CSNK1G1: variants seen among roughly 807,000 people sequenced by gnomAD.
The protein encoded by CSNK1G1 is casein kinase 1 gamma 1, also known as casein kinase I isoform gamma-1.
In CSNK1G1, 22 loss-of-function variants were observed where a neutral mutation model predicts 59.6. The ratio of observed to expected loss-of-function variants is 0.37; its 90% CI spans 0.26 to 0.53. CSNK1G1 has a LOEUF of 0.53. Among genes scored for constraint, CSNK1G1 ranks in the 20% least tolerant of loss-of-function variants. CSNK1G1 has a pLI of 0.89. For synonymous variants in CSNK1G1, 179 were observed against 177.1 expected, an observed-to-expected ratio of 1.01 and a Z score of -0.08; for missense variants, 384 against 519.5, an observed-to-expected ratio of 0.74 and a Z score of 2.54.
chr15:64,228,398 A>C (rs2082490950), intron 4 of CSNK1G1, among the ~76,000 whole-genome samples: 1 of 152,248 alleles, frequency 6.6e-6, no homozygotes, highest in Admixed American at 6.5e-5. Flanking sequence ...CTGTAATCCC[A>C]GCACTGTGAG....
At chr15:64,205,125 C>A (rs1055858222) in intron 7 of CSNK1G1, among the ~76,000 whole-genome samples, 176 bp from the exon 8 acceptor site, 2 of 152,050 alleles carry the variant, frequency 1.3e-5, no homozygotes, top group African/African-American at 4.8e-5. Flanking sequence ...TAGATATATA[C>A]AAACATCTGC....
rs1379539116 is a variant in CSNK1G1, at chr15:64,210,156, C to T, written c.680-2562G>A. On this transcript the variant is annotated intron_variant, in intron 6 of 11. Coordinates refer to ENST00000303052, the MANE Select transcript of CSNK1G1 (RefSeq NM_022048.5). This position sits in a 1 kb window ranked among gnomAD's most constrained non-coding sequence, Gnocchi z 4.2. ...CCCAAAATAAGGGTACCTAAATCAGCTCAACGATTTAGGTATCTAGATCTT... is the reference window on the plus strand; with the variant it reads ...CCCAAAATAAGGGTACCTAAATCAGTTCAACGATTTAGGTATCTAGATCTT... 6.6e-6 allele frequency among the ~76,000 whole-genome samples: 1 copy of T among 152,070 alleles called. No homozygotes were observed. Among genetic ancestry groups the T allele is most frequent in the Non-Finnish European group, 1.5e-5 (1 of 68,014 alleles).
chr15:64,300,350 T>A lies in CSNK1G1; in HGVS notation c.150A>T (p.Ile50=), dbSNP rs1169842366. 1.9e-6 allele frequency: 3 copies of A among 1,614,216 alleles called. No individual in the cohort carries two copies. The Admixed American group carries it at 5.0e-5, about 27-fold the overall frequency. ...VGPNFRVGKK[I]GCGNFGELRL... is the part of the protein sequence containing the mutation. The stretch of plus-strand genomic sequence containing the variant: ...TGAGCTCTCCGAAGTTCCCACATCC[T>A]ATCTTCTTGCCAACCCTGAAGTTGG... Residue 50 remains isoleucine, a synonymous_variant, in exon 2 of 12, where the codon ATA becomes ATT. Coordinates refer to ENST00000303052, the MANE Select transcript of CSNK1G1 (RefSeq NM_022048.5).
At chr15:64,208,057 A>G (rs998849755) in intron 6 of CSNK1G1, among the ~76,000 whole-genome samples, 2 of 152,246 alleles carry the variant, frequency 1.3e-5, no homozygotes, top group East Asian at 3.8e-4. Flanking sequence ...CCTAGCAAAC[A>G]TGCCAAGTGC....
At chr15:64,259,382 G>A in intron 2 of CSNK1G1, 141 bp from the exon 3 acceptor site, 3 of 591,642 alleles carry the variant, frequency 5.1e-6, no homozygotes, top group East Asian at 3.2e-5. Context: ...TAAGCGAAAA[G>A]CTACAGAGAT....
At chr15:64,281,868 C>T (rs1167089542) in intron 2 of CSNK1G1, among the ~76,000 whole-genome samples, 1 of 149,430 alleles carries the variant, frequency 6.7e-6, no homozygotes. Context: ...ATACTAAACA[C>T]TACTGAATTG....
intron 3 of CSNK1G1, among the ~76,000 whole-genome samples, chr15:64,258,831 T>C (rs2140329343): frequency 6.6e-6 from 1 of 152,220 alleles, no homozygotes; most frequent in South Asian, 2.1e-4. Flanking sequence ...TTCTTCTAAG[T>C]ACAAAAAATA....
At chr15:64,194,955 C>T (rs374813050) in intron 10 of CSNK1G1, 6 of 152,096 alleles carry the variant, frequency 3.9e-5, no homozygotes, top group East Asian at 1.9e-4. Flanking sequence ...TTTATTTTTC[C>T]GTGTATTATA....
intron 3 of CSNK1G1, among the ~76,000 whole-genome samples, chr15:64,257,789 G>C (rs1392915776): frequency 1.3e-5 from 2 of 152,134 alleles, no homozygotes; most frequent in East Asian, 3.8e-4. Context: ...TTCCTAAAGT[G>C]CTTGAATTAC....
rs1449720518 is a variant in CSNK1G1, at chr15:64,188,386, C to T, written c.1108-7932G>A. On this transcript the variant is annotated intron_variant, in intron 10 of 11. Coordinates refer to ENST00000303052, the MANE Select transcript of CSNK1G1 (RefSeq NM_022048.5). This position sits in a 1 kb window ranked among gnomAD's most constrained non-coding sequence, Gnocchi z 4.2. The stretch of plus-strand genomic sequence containing the variant: ...AAGGCAGTAAATACCTGCACTGATC[C>T]CCCATGGCGGTCTGCAGCCAAGTGA... 1 of 1,535,742 alleles carries T rather than the reference C, an allele frequency of 6.5e-7. No homozygotes were observed.
At chr15:64,205,315 T>G (rs1262660374) in intron 7 of CSNK1G1, among the ~76,000 whole-genome samples, 1 of 152,228 alleles carries the variant, frequency 6.6e-6, no homozygotes, top group Non-Finnish European at 1.5e-5. Flanking sequence ...CAGCATTCTC[T>G]CTTAGATCAG....
intron 4 of CSNK1G1, among the ~76,000 whole-genome samples, chr15:64,248,715 C>A (rs562213102): frequency 2.0e-5 from 3 of 152,092 alleles, no homozygotes; most frequent in Non-Finnish European, 4.4e-5. Context: ...CCAGGCACGG[C>A]GGCTCACATC....
At chr15:64,321,950 T>A (rs1351751660) in intron 1 of CSNK1G1, among the ~76,000 whole-genome samples, 1 of 152,240 alleles carries the variant, frequency 6.6e-6, no homozygotes, top group Admixed American at 6.5e-5. Context: ...CTCACAAGAG[T>A]GCCTGGTAGG....
chr15:64,278,567 T>C (rs1263914522), intron 2 of CSNK1G1, among the ~76,000 whole-genome samples: 3 of 151,860 alleles, frequency 2.0e-5, no homozygotes, highest in Non-Finnish European at 2.9e-5. Context: ...TAGTCAGGAC[T>C]ACAGGCACAG....
intron 1 of CSNK1G1, among the ~76,000 whole-genome samples, chr15:64,346,632 A>AT (rs1189468039): frequency 6.6e-6 from 1 of 151,736 alleles, no homozygotes; most frequent in Non-Finnish European, 1.5e-5. Flanking sequence ...TAATTTTTGT[A>AT]TTTTTAGTAG....
At chr15:64,189,040 T>G (rs2081935802) in intron 10 of CSNK1G1, among the ~76,000 whole-genome samples, 1 of 151,978 alleles carries the variant, frequency 6.6e-6, no homozygotes, top group Non-Finnish European at 1.5e-5. Flanking sequence ...GCAGGAGAAT[T>G]GCTTAAACCC....
At chr15:64,291,541 T>C (rs369143968) in intron 2 of CSNK1G1, among the ~76,000 whole-genome samples, 6 of 152,212 alleles carry the variant, frequency 3.9e-5, no homozygotes, top group African/African-American at 1.4e-4. Flanking sequence ...TGAGCTAAGA[T>C]CATGCCATTG....
At chr15:64,299,907 T>G (rs1347208314) in intron 2 of CSNK1G1, among the ~76,000 whole-genome samples, 1 of 152,176 alleles carries the variant, frequency 6.6e-6, no homozygotes, top group African/African-American at 2.4e-5. Flanking sequence ...TACTCTTTTC[T>G]TTTCAGGGGC....
intron 2 of CSNK1G1, among the ~76,000 whole-genome samples, chr15:64,284,470 G>GTTAGATCT (rs1230615446): frequency 1.3e-5 from 2 of 152,106 alleles, no homozygotes; most frequent in East Asian, 3.9e-4. Context: ...TTACCATGTA[G>GTTAGATCT]TTAGATCTTA....
Sources: allele counts gnomAD v4.1 joint callset (sites outside exome capture counted in the v4.1 genomes callset), GRCh38; gene constraint gnomAD v4.1.1; non-coding constraint Gnocchi (gnomAD v3.1); transcripts MANE v1.5; gene names NCBI Gene and HGNC (gene_info 2026-07-23, HGNC 2026-07-21).